The following NEBL variants were observed in gnomAD, a reference collection of about 807,000 sequenced individuals.
NEBL encodes the protein LIM and SH3 protein 2.
A neutral mutation model predicts 140.2 loss-of-function variants in NEBL; 122 were observed. That is an observed-to-expected ratio of 0.87 (90% CI 0.75 to 1.01). The LOEUF (loss-of-function observed/expected upper bound fraction) is 1.01. Among genes scored for constraint, NEBL ranks in the 50% least tolerant of loss-of-function variants. The pLI is 0.00. For synonymous variants in NEBL, 436 were observed against 398.9 expected (o/e 1.09, Z -1.11); for missense variants, 1,365 against 1,231.3 (o/e 1.11, Z -1.62).
chr10:21,131,257 G>C (rs1421121654), intron 2 of NEBL, among the ~76,000 whole-genome samples: 1 of 152,160 alleles, frequency 6.6e-6, no homozygotes, highest in Non-Finnish European at 1.5e-5. Context: ...AACAATCTTT[G>C]AAAACAGAAA....
At chr10:21,274,309 A>C (rs370589398) in intron 1 of NEBL, among the ~76,000 whole-genome samples, 1 of 152,200 alleles carries the variant, frequency 6.6e-6, no homozygotes, top group South Asian at 2.1e-4. Context: ...TTGACTTCCC[A>C]AAAGCTTAAC....
intron 11 of NEBL, among the ~76,000 whole-genome samples, chr10:20,846,073 T>C (rs1841909603): frequency 6.6e-6 from 1 of 152,098 alleles, no homozygotes; most frequent in African/African-American, 2.4e-5. Flanking sequence ...AGACCACCAT[T>C]AGCCTTTTTA....
At chr10:21,109,436 T>C (rs60365283) in intron 2 of NEBL, among the ~76,000 whole-genome samples, 12,117 of 152,246 alleles carry the variant, frequency 0.08, 1,559 homozygotes, top group African/African-American at 0.27. Context: ...TCAATGTTCA[T>C]CAGGGATACT....
intron 2 of NEBL, among the ~76,000 whole-genome samples, chr10:21,022,609 C>G (rs1838842494): frequency 6.6e-6 from 1 of 152,120 alleles, no homozygotes; most frequent in African/African-American, 2.4e-5. Context: ...CCTTCAAAAC[C>G]CTTTACACAA....
intron 26 of NEBL, among the ~76,000 whole-genome samples, chr10:20,795,598 T>C (rs1021634300): frequency 3.3e-5 from 5 of 152,160 alleles, no homozygotes; most frequent in Non-Finnish European, 7.4e-5. Context: ...AATTTTTCTT[T>C]TTCCCATTGC....
At chr10:20,925,361 G>A (rs1240454906) in intron 4 of NEBL, among the ~76,000 whole-genome samples, 1 of 152,086 alleles carries the variant, frequency 6.6e-6, no homozygotes, top group Admixed American at 6.6e-5. Context: ...ATGGCTCCTA[G>A]GAATACTCTG....
At chr10:21,184,814 T>C (rs1841440116) in intron 3 of NEBL, among the ~76,000 whole-genome samples, 1 of 152,266 alleles carries the variant, frequency 6.6e-6, no homozygotes, top group African/African-American at 2.4e-5. Context: ...TTCGTGATGA[T>C]ATCATTTTTT....
intron 19 of NEBL, among the ~76,000 whole-genome samples, 190 bp from the exon 20 acceptor site, chr10:20,819,706 C>G (rs1839093604): frequency 6.6e-6 from 1 of 151,672 alleles, no homozygotes; most frequent in Non-Finnish European, 1.5e-5. Context: ...TTTTCCTTGT[C>G]AAGTGGTTTT....
At chr10:21,105,012 T>C (rs559729920) in intron 2 of NEBL, among the ~76,000 whole-genome samples, 69 of 152,340 alleles carry the variant, frequency 4.5e-4, no homozygotes, top group African/African-American at 1.4e-3. Flanking sequence ...TCTGCTGATA[T>C]GGAAAACATT....
At chr10:21,236,800 T>C (rs962977272) in intron 3 of NEBL, among the ~76,000 whole-genome samples, 1 of 152,182 alleles carries the variant, frequency 6.6e-6, no homozygotes, top group Non-Finnish European at 1.5e-5. Context: ...TAAACTCCAC[T>C]AACAACTACA....
At chr10:20,966,946 T>C (rs1292738594) in intron 3 of NEBL, among the ~76,000 whole-genome samples, 1 of 152,054 alleles carries the variant, frequency 6.6e-6, no homozygotes, top group Non-Finnish European at 1.5e-5. Context: ...TAACACTAAT[T>C]GGAGATTATG....
chr10:21,063,713 G>C (rs1232097123), intron 2 of NEBL, among the ~76,000 whole-genome samples: 1 of 152,036 alleles, frequency 6.6e-6, no homozygotes. Flanking sequence ...CAGCAACATG[G>C]TGAAACCCCA....
intron 20 of NEBL, 27 bp from the exon 21 acceptor site, chr10:20,817,719 CA>C (rs1838870416): frequency 1.3e-6 from 2 of 1,525,694 alleles, no homozygotes; most frequent in Non-Finnish European, 1.8e-6. Context: ...AGAACTTTAA[CA>C]GATAGCACAA....
chr10:20,928,973 C>A (rs977288037), intron 4 of NEBL, among the ~76,000 whole-genome samples: 3 of 152,070 alleles, frequency 2.0e-5, no homozygotes, highest in African/African-American at 7.2e-5. Context: ...TCATCGCCTC[C>A]TCTCTTACCT....
chr10:21,152,377 CAA>C (rs763011584), intron 2 of NEBL, among the ~76,000 whole-genome samples: 14 of 152,288 alleles, frequency 9.2e-5, no homozygotes, highest in Non-Finnish European at 1.3e-4. Context: ...CTCCATTTCC[CAA>C]AGTTATACAA....
chr10:20,909,285 C>A (rs1848231194), intron 4 of NEBL, among the ~76,000 whole-genome samples: 1 of 151,420 alleles, frequency 6.6e-6, no homozygotes, highest in Non-Finnish European at 1.5e-5. Context: ...CCTACCTCCC[C>A]ACCACCACCC....
intron 4 of NEBL, among the ~76,000 whole-genome samples, chr10:20,903,330 G>T (rs958354975): frequency 1.3e-5 from 2 of 152,194 alleles, no homozygotes; most frequent in South Asian, 4.1e-4. Flanking sequence ...GCCTTACCCT[G>T]GTCAGAATGG....
rs1213415930 is a variant in NEBL, at chr10:20,859,793, T to C, written c.718A>G (p.Lys240Glu). 1.9e-6 allele frequency: 3 copies of C among 1,583,620 alleles called. No individual in the cohort carries two copies. The highest frequency in any genetic ancestry group is 1.1e-5 in the South Asian group (1 of 88,910). The change falls in exon 8 of 28, where the codon AAG becomes GAG. Residue 240 changes from lysine (K) to glutamate (E), a missense_variant. Physicochemically the swap from Lys to Glu is moderately conservative, Grantham distance 56. Around this residue, in one of 2 missense-constraint regions of NEBL, gnomAD observed 1,323 missense variants for 1,154.8 expected, o/e 1.15. Transcript: ENST00000377122. ...KYKEKFDNEM[K>E]DKKHHYNPLE... is the part of the protein sequence containing the mutation. Reference sequence around the variant, plus strand: ...GGATTGTAATGATGTTTCTTATCCTTCATTTCATTATCAAATTTTTCTTTG... The same window carrying C: ...GGATTGTAATGATGTTTCTTATCCTCCATTTCATTATCAAATTTTTCTTTG...
At chr10:20,830,398 C>T (rs1430566823) in intron 16 of NEBL, among the ~76,000 whole-genome samples, 2 of 151,974 alleles carry the variant, frequency 1.3e-5, no homozygotes, top group South Asian at 2.1e-4. Flanking sequence ...ATATTATTTG[C>T]TAATGAATGT....
Sources: gnomAD v4.1 joint callset for allele counts (sites outside exome capture counted in the v4.1 genomes callset) on GRCh38, gnomAD v4.1.1 for gene constraint, gnomAD v4.1.1 regional missense constraint, MANE v1.5 for transcripts, NCBI Gene and HGNC (gene_info 2026-07-23, HGNC 2026-07-21) for gene names.